The following RAB3GAP1 variants were observed in gnomAD, a reference collection of about 807,000 sequenced individuals.
RAB3GAP1 encodes the protein rab3 GTPase-activating protein catalytic subunit.
Under a neutral mutation model 130.7 loss-of-function variants are expected in RAB3GAP1, and 86 were observed. That is an observed-to-expected ratio of 0.66 (90% CI 0.55 to 0.79). RAB3GAP1 has a LOEUF of 0.79. Ranked by LOEUF, RAB3GAP1 falls within the 30% of genes least tolerant of loss-of-function variation. The pLI is 0.00. For synonymous variants in RAB3GAP1, 367 were observed against 401.7 expected (o/e 0.91, Z 1.03); for missense variants, 1,029 against 1,169.4 (o/e 0.88, Z 1.75).
chr2:135,098,837 G>A (rs1369729274), intron 5 of RAB3GAP1, among the ~76,000 whole-genome samples: 1 of 151,980 alleles, frequency 6.6e-6, no homozygotes, highest in South Asian at 2.1e-4. Flanking sequence ...CCAGTTGTTC[G>A]TTTCTAGTAT....
At chr2:135,164,825 G>A in intron 23 of RAB3GAP1, 129 bp downstream of exon 23, 1 of 694,420 alleles carries the variant, frequency 1.4e-6, no homozygotes, top group Non-Finnish European at 2.6e-6. Context: ...CATTGGGTTT[G>A]AACACTGAAG....
In RAB3GAP1 at chr2:135,106,306, C is replaced by G. The variant is rs946162836; in HGVS notation, c.363-6845C>G. ...GCCATGATGACAATGGCGGTTTTGT[C>G]GAATAGAAAAGGGGGAAATGTGGGG... On this transcript the variant is annotated intron_variant, in intron 5 of 23. Coordinates refer to ENST00000264158, the MANE Select transcript of RAB3GAP1 (RefSeq NM_012233.3). Among the ~76,000 whole-genome samples, 3 of 152,092 alleles carry G rather than the reference C, an allele frequency of 2.0e-5. No individual in the cohort carries two copies. The South Asian group carries it at 6.2e-4, about 31-fold the overall frequency.
downstream of RAB3GAP1, among the ~76,000 whole-genome samples, chr2:135,174,823 C>T (rs906013333): frequency 6.6e-5 from 10 of 152,194 alleles, no homozygotes; most frequent in African/African-American, 2.2e-4. Context: ...CACAACATCA[C>T]GAAGGGAGTG....
intron 3 of RAB3GAP1, among the ~76,000 whole-genome samples, chr2:135,072,978 G>A (rs1689520986): frequency 6.6e-6 from 1 of 152,188 alleles, no homozygotes; most frequent in Non-Finnish European, 1.5e-5. Context: ...CTATTTTTAA[G>A]CCCAGGGGTA....
At position 135,091,087 on chromosome 2, in the gene RAB3GAP1, A is replaced by G. The variant is rs145219231; in HGVS notation, c.240A>G (p.Val80=). 1.2e-6 allele frequency: 2 copies of G among 1,601,318 alleles called. No homozygotes were observed. Among genetic ancestry groups the G allele is most frequent in the African/African-American group, 1.3e-5 (1 of 74,582 alleles). The stretch of plus-strand genomic sequence containing the variant: ...TCTCAGTCACTCATCATTATCTTGT[A>G]CAAGAGTCCACTGATAAAGAAGGAA... ...FKFSVTHHYL[V]QESTDKEGKD... Residue 80 remains valine (V), a synonymous_variant, in exon 4 of 24, where the codon GTA becomes GTG. Transcript: ENST00000264158.
At chr2:135,149,331 G>A (rs1692097613) in intron 17 of RAB3GAP1, among the ~76,000 whole-genome samples, 1 of 152,196 alleles carries the variant, frequency 6.6e-6, no homozygotes, top group African/African-American at 2.4e-5. Flanking sequence ...AAAGTATGAA[G>A]CCTATAATAT....
At chr2:135,058,152 T>C (rs1689069617) in intron 3 of RAB3GAP1, 66 bp downstream of exon 3, 2 of 1,320,078 alleles carry the variant, frequency 1.5e-6, no homozygotes, top group Non-Finnish European at 2.2e-6. Context: ...TCCAGCCCTT[T>C]GCTGCATTTG....
intron 7 of RAB3GAP1, among the ~76,000 whole-genome samples, chr2:135,117,582 GCTTCTTCTT>G (rs36174748): frequency 1.7e-5 from 1 of 60,562 alleles, no homozygotes; most frequent in South Asian, 4.2e-4. Flanking sequence ...TTCTTCTTCT[GCTTCTTCTT>G]CTGCTGCTTC....
chr2:135,133,728 G>A lies in RAB3GAP1; in HGVS notation c.1327-133G>A, dbSNP rs1691608434. The stretch of plus-strand genomic sequence containing the variant: ...GAATAGTTTATGCAGTAGTGTATTA[G>A]ACATTTGATAATGCCTAGTTTAGGT... On this transcript the variant is annotated intron_variant, in intron 14 of 23. Transcript: ENST00000264158. 8.3e-6 allele frequency: 6 copies of A among 726,972 alleles called. No homozygotes were observed. In the South Asian group the frequency reaches 9.2e-5, roughly 11 times the overall value. 45.0% of individuals were successfully genotyped at this position (726,972 alleles called of 1,614,324 possible).
chr2:135,127,216 ATG>A (rs1360924229), intron 11 of RAB3GAP1, among the ~76,000 whole-genome samples: 1 of 118,152 alleles, frequency 8.5e-6, no homozygotes, highest in Non-Finnish European at 1.8e-5. Context: ...GGATGCTTTT[ATG>A]TTACTCCCTT....
chr2:135,073,499 G>A (rs1302039621), intron 3 of RAB3GAP1, among the ~76,000 whole-genome samples: 1 of 152,198 alleles, frequency 6.6e-6, no homozygotes, highest in Non-Finnish European at 1.5e-5. Context: ...CATTTTTAAT[G>A]GCTGAGCATG....
In RAB3GAP1 at chr2:135,135,889, C is replaced by A; in HGVS notation, c.1880C>A (p.Thr627Lys). The A allele has an allele frequency of 1.2e-6, 2 of 1,614,124 alleles. No homozygotes were observed. The highest frequency in any genetic ancestry group is 1.6e-4 in the Middle Eastern group (1 of 6,062). Residue 627 changes from threonine (T) to lysine (K), a missense_variant, in exon 17 of 24, where the codon ACA becomes AAA. Physicochemically the swap from Thr to Lys is moderately conservative, Grantham distance 78 (BLOSUM62 -1). This residue lies in a region of RAB3GAP1 where 373 missense variants were observed against 493.6 expected (regional missense o/e 0.76). Transcript: ENST00000264158. ...CGGCTCTATCAGCATGGGAAACTTA[C>A]ACTGCTGCATAATGGAGAACCTCTC... ...EGRLYQHGKL[T>K]LLHNGEPLYI...
At position 135,135,600 on chromosome 2, in the gene RAB3GAP1, G is replaced by A. The variant is rs754716197; in HGVS notation, c.1591G>A (p.Asp531Asn). 3 of 1,608,628 alleles carry A rather than the reference G, an allele frequency of 1.9e-6. No individual in the cohort carries two copies. Among genetic ancestry groups the A allele is most frequent in the African/African-American group, 2.7e-5 (2 of 74,598 alleles). The stretch of plus-strand genomic sequence containing the variant: ...TTGTATTGAAAGAAAGAAGGCACGT[G>A]ATGAGGGGAAAAAGACAAGTGCTTC... The part of the protein sequence containing the change: ...NCCIERKKAR[D>N]EGKKTSASDV... Residue 531 changes from aspartate to asparagine, a missense_variant, in exon 17 of 24, where the codon GAT (aspartate) becomes AAT (asparagine). Asp to Asn is a conservative substitution (Grantham distance 23). Coordinates refer to ENST00000264158, the MANE Select transcript of RAB3GAP1 (RefSeq NM_012233.3).
chr2:135,119,254 G>A (rs888860436), intron 7 of RAB3GAP1, among the ~76,000 whole-genome samples: 9 of 151,940 alleles, frequency 5.9e-5, no homozygotes, highest in Non-Finnish European at 8.8e-5. Flanking sequence ...GACTACAGGC[G>A]CGCACCACTA....
rs1558784266 is a variant in RAB3GAP1, at chr2:135,117,522, GCTTCTTCTGCTT to G, written c.648+2162_648+2173del. Among the ~76,000 whole-genome samples, 17 of 30,050 alleles carry G rather than the reference GCTTCTTCTGCTT, an allele frequency of 5.7e-4. No individual in the cohort carries two copies. The East Asian group carries it at 5.9e-3, about 10-fold the overall frequency. 19.7% of individuals were successfully genotyped at this position (30,050 alleles called of 152,430 possible). On this transcript the variant is annotated intron_variant, in intron 7 of 23. Coordinates refer to ENST00000264158, the MANE Select transcript of RAB3GAP1 (RefSeq NM_012233.3). ...TTCTTCTTCTTCTTCTGCTTCTTCT[GCTTCTTCTGCTT>G]CTTCTTCTGCTTCTTCTTCTTCTGC...
chr2:135,086,343 G>A (rs1387481754), intron 3 of RAB3GAP1, among the ~76,000 whole-genome samples: 2 of 152,126 alleles, frequency 1.3e-5, no homozygotes, highest in Admixed American at 1.3e-4. Context: ...CCGTGCATGA[G>A]ATTTCAAGTT....
chr2:135,071,942 T>C (rs904144099), intron 3 of RAB3GAP1, among the ~76,000 whole-genome samples: 1 of 152,218 alleles, frequency 6.6e-6, no homozygotes, highest in African/African-American at 2.4e-5. Flanking sequence ...GAAATGAGTC[T>C]CGCTTTGTCG....
chr2:135,117,447 TCTTCTTCTGCTTCTGCTTCTGCTTCTG>T (rs1691008575), intron 7 of RAB3GAP1, among the ~76,000 whole-genome samples: 1 of 55,402 alleles, frequency 1.8e-5, no homozygotes, highest in Non-Finnish European at 3.7e-5. Context: ...TTCTTCTTCT[TCTTCTTCTGCTTCTGCTTCTGCTTCTG>T]CTTCTTCTGC....
chr2:135,121,714 A>G (rs983420930), intron 8 of RAB3GAP1, among the ~76,000 whole-genome samples: 1 of 152,244 alleles, frequency 6.6e-6, no homozygotes, highest in Non-Finnish European at 1.5e-5. Flanking sequence ...AAATAAACTA[A>G]TATTCTTTAC....
Sources: gnomAD v4.1 joint callset for allele counts (sites outside exome capture counted in the v4.1 genomes callset) on GRCh38, gnomAD v4.1.1 for gene constraint, gnomAD v4.1.1 regional missense constraint, MANE v1.5 for transcripts, NCBI Gene and HGNC (gene_info 2026-07-23, HGNC 2026-07-21) for gene names.